The following TEX11 variants were observed in gnomAD, a reference collection of about 807,000 sequenced individuals.
The protein encoded by TEX11 is testis-expressed protein 11.
A neutral mutation model predicts 84.4 loss-of-function variants in TEX11; 7 were observed. The observed-to-expected ratio is 0.08, with a 90% CI of 0.05 to 0.16. The LOEUF (loss-of-function observed/expected upper bound fraction) is 0.16, where lower values mean the gene tolerates loss of function less well. Among genes scored for constraint, TEX11 ranks in the 10% least tolerant of loss-of-function variants. The pLI, the probability that TEX11 is intolerant of heterozygous loss-of-function variation, is 1.00. For missense variants in TEX11, 551 were observed against 660.5 expected (o/e 0.83, Z 1.82); for synonymous variants, 264 against 222.8 (o/e 1.18, Z -1.64).
In TEX11 at chrX:70,881,633, G is replaced by C. The variant is rs750843955; in HGVS notation, c.38-1524C>G. On this transcript the variant is annotated intron_variant, in intron 2 of 29. Transcript: ENST00000374333. ...AGTTAAACAAATGCTTGAGGTGATG[G>C]ATATCCTATTTACCCTGATGTGATT... 3.6e-5 allele frequency among the ~76,000 whole-genome samples: 4 copies of C among 110,889 alleles called. No homozygotes were observed. In the East Asian group the frequency reaches 1.1e-3, roughly 31 times the overall value.
intron 7 of TEX11, among the ~76,000 whole-genome samples, chrX:70,833,900 T>C (rs760999799): frequency 3.9e-4 from 44 of 111,688 alleles, no homozygotes; most frequent in Admixed American, 7.7e-4. Flanking sequence ...ACTAGATGCT[T>C]CTGCAACTTG....
intron 11 of TEX11, among the ~76,000 whole-genome samples, chrX:70,730,180 A>T (rs2090634699): frequency 8.9e-6 from 1 of 112,073 alleles, no homozygotes; most frequent in Non-Finnish European, 1.9e-5. Flanking sequence ...GAAAGGAACA[A>T]CCGGTACAAG....
intron 7 of TEX11, among the ~76,000 whole-genome samples, chrX:70,844,467 G>T (rs866316073): frequency 2.2e-4 from 15 of 67,371 alleles, no homozygotes; most frequent in African/African-American, 8.7e-4. Flanking sequence ...GTTGTGGGGT[G>T]GGGGGAGGGG....
chrX:70,565,580 A>G (rs1191985051), intron 25 of TEX11, among the ~76,000 whole-genome samples: 1 of 111,155 alleles, frequency 9.0e-6, no homozygotes, highest in African/African-American at 3.3e-5. Context: ...TGATTTTTGT[A>G]TAAGGGGTAA....
At position 70,610,531 on chromosome X, in the gene TEX11, C is replaced by T; in HGVS notation, c.1764G>A (p.Met588Ile). ...TATTCAGGCAAGTCAAAAGTCGATCCATTTCTTTCTTCCTAAAAATAAAGA... is the reference window on the plus strand; with the variant it reads ...TATTCAGGCAAGTCAAAAGTCGATCTATTTCTTTCTTCCTAAAAATAAAGA... Reference protein sequence around the residue: ...MPESEDKKKEMDRLLTCLNRA... With the variant: ...MPESEDKKKEIDRLLTCLNRA... The change falls in exon 21 of 30, where the codon ATG becomes ATA. Residue 588 changes from methionine (M) to isoleucine (I), a missense_variant. By Grantham distance (10) the Met-to-Ile change is conservative (BLOSUM62 1). Transcript: ENST00000374333. 1 of 1,206,137 alleles carries T rather than the reference C, an allele frequency of 8.3e-7. No individual in the cohort carries two copies. The highest frequency in any genetic ancestry group is 1.1e-6 in the Non-Finnish European group (1 of 892,327).
intron 24 of TEX11, among the ~76,000 whole-genome samples, chrX:70,600,126 A>G (rs2147511453): frequency 9.0e-6 from 1 of 111,629 alleles, no homozygotes; most frequent in East Asian, 2.8e-4. Flanking sequence ...ACTAGTTTAC[A>G]GTCCAACCAA....
chrX:70,512,694 A>G, the TEX11 span, among the ~76,000 whole-genome samples: 1 of 109,259 alleles, frequency 9.2e-6, no homozygotes. Flanking sequence ...ACAGTTATTC[A>G]CTGGATGAAT....
chrX:70,800,719 A>C (rs1231641990), intron 9 of TEX11, among the ~76,000 whole-genome samples: 1 of 87,538 alleles, frequency 1.1e-5, no homozygotes, highest in Non-Finnish European at 2.2e-5. Context: ...TTGAGACAAG[A>C]TCTCACTCTG....
At chrX:70,819,680 C>T (rs1375782236) in intron 8 of TEX11, among the ~76,000 whole-genome samples, 2 of 110,969 alleles carry the variant, frequency 1.8e-5, no homozygotes, top group Non-Finnish European at 3.8e-5. Context: ...TTTCGAGAAT[C>T]CTAAAAACTC....
At chrX:70,530,406 C>T (rs1311686943) in intron 28 of TEX11, among the ~76,000 whole-genome samples, 1 of 111,747 alleles carries the variant, frequency 8.9e-6, no homozygotes, top group Non-Finnish European at 1.9e-5. Flanking sequence ...ATTTCTGTCA[C>T]CAGAATTAGT....
chrX:70,563,306 C>T (rs2088402417), intron 25 of TEX11, among the ~76,000 whole-genome samples: 1 of 111,781 alleles, frequency 8.9e-6, no homozygotes, highest in Admixed American at 9.5e-5. Context: ...CAATCCACTA[C>T]TGGAAAACAT....
At chrX:70,703,783 G>A (rs891373704) in intron 13 of TEX11, among the ~76,000 whole-genome samples, 5 of 111,509 alleles carry the variant, frequency 4.5e-5, no homozygotes, top group African/African-American at 1.3e-4. Flanking sequence ...CATATGTATC[G>A]CACTGCAATT....
chrX:70,657,122 C>T (rs2147616782), intron 16 of TEX11, among the ~76,000 whole-genome samples: 1 of 111,937 alleles, frequency 8.9e-6, no homozygotes, highest in East Asian at 2.8e-4. Context: ...GTGGCTACTG[C>T]AATTGAAGAA....
chrX:70,524,563 T>C (rs1486059923), downstream of TEX11, among the ~76,000 whole-genome samples: 1 of 112,271 alleles, frequency 8.9e-6, no homozygotes, highest in African/African-American at 3.2e-5. Context: ...GTTTTTTTGT[T>C]GTTGTTGTTG....
chrX:70,673,369 C>T (rs1486473296), intron 15 of TEX11: 2 of 111,337 alleles, frequency 1.8e-5, no homozygotes, highest in Admixed American at 9.5e-5. Flanking sequence ...GCAATCCTCC[C>T]GCCTCAGCCT....
At chrX:70,681,336 A>T (rs959204971) in intron 14 of TEX11, among the ~76,000 whole-genome samples, 1 of 112,659 alleles carries the variant, frequency 8.9e-6, no homozygotes, top group African/African-American at 3.2e-5. Flanking sequence ...ATGTCATAAT[A>T]GAACAGTCTA....
At chrX:70,643,434 T>C (rs1414736493) in intron 17 of TEX11, among the ~76,000 whole-genome samples, 16 of 86,707 alleles carry the variant, frequency 1.8e-4, no homozygotes, top group Non-Finnish European at 3.1e-4. Flanking sequence ...AAAGTTCATA[T>C]GGAACCAAAA....
At chrX:70,895,595 G>A (rs2091762244) in intron 2 of TEX11, among the ~76,000 whole-genome samples, 1 of 111,861 alleles carries the variant, frequency 8.9e-6, no homozygotes, top group Admixed American at 9.6e-5. Context: ...CAAAGCTGGA[G>A]GCATCACGCT....
In TEX11 at chrX:70,837,196, C is replaced by G. The variant is rs746871706; in HGVS notation, c.526-3603G>C. ...CAATAGCCAAAAATTGGAAACAACCCAAATTCTTTCAATGGTGAATGGCTA... is the reference window on the plus strand; with the variant it reads ...CAATAGCCAAAAATTGGAAACAACCGAAATTCTTTCAATGGTGAATGGCTA... On this transcript the variant is annotated intron_variant, in intron 7 of 29. Transcript: ENST00000374333. Among the ~76,000 whole-genome samples the G allele has an allele frequency of 4.5e-5, 5 of 111,682 alleles. No individual in the cohort carries two copies. The South Asian group carries it at 1.9e-3, about 42-fold the overall frequency.
Sources: gnomAD v4.1 joint callset for allele counts (sites outside exome capture counted in the v4.1 genomes callset) on GRCh38, gnomAD v4.1.1 for gene constraint, MANE v1.5 for transcripts, NCBI Gene and HGNC (gene_info 2026-07-23, HGNC 2026-07-21) for gene names.